ZBTB20: variants seen among roughly 807,000 people sequenced by gnomAD.
The protein encoded by ZBTB20 is zinc finger and BTB domain containing 20.
A neutral mutation model predicts 56.9 loss-of-function variants in ZBTB20; 9 were observed. That is an observed-to-expected ratio of 0.16 (90% CI 0.10 to 0.28). The LOEUF is 0.28. ZBTB20 is among the 10% of genes least tolerant of loss of function. The pLI is 1.00. For synonymous variants in ZBTB20, 417 were observed against 420.7 expected (o/e 0.99, Z 0.11); for missense variants, 655 against 1,003.0 (o/e 0.65, Z 4.69).
At chr3:114,874,647 C>T (rs1236225267) in intron 4 of ZBTB20, among the ~76,000 whole-genome samples, 1 of 152,192 alleles carries the variant, frequency 6.6e-6, no homozygotes, top group African/African-American at 2.4e-5. Context: ...AAACAGGCTA[C>T]ACAGACGGCC....
chr3:114,789,976 C>G (rs1463639111), intron 5 of ZBTB20, among the ~76,000 whole-genome samples: 1 of 151,816 alleles, frequency 6.6e-6, no homozygotes, highest in Non-Finnish European at 1.5e-5. Flanking sequence ...TCTTATACAC[C>G]AAAGCACGGT....
intron 1 of ZBTB20, among the ~76,000 whole-genome samples, chr3:115,082,619 G>A (rs564300402): frequency 1.3e-5 from 2 of 152,154 alleles, no homozygotes; most frequent in African/African-American, 2.4e-5. Flanking sequence ...CCTTATACTT[G>A]AGCCTGAATA....
chr3:114,704,634 CAT>C (rs1308576124), intron 5 of ZBTB20, among the ~76,000 whole-genome samples: 5 of 152,234 alleles, frequency 3.3e-5, no homozygotes, highest in Middle Eastern at 3.4e-3. Context: ...AATGATATGT[CAT>C]AGACTACTCT....
At position 114,515,148 on chromosome 3, in the gene ZBTB20, T is replaced by G. The variant is rs530274498; in HGVS notation, c.-294-14757A>C. ...GAGACCTGTCGCATAAGACTTGTTTTGTAAGGCCGGGCTCCTTACGGGGAC... is the reference window on the plus strand; with the variant it reads ...GAGACCTGTCGCATAAGACTTGTTTGGTAAGGCCGGGCTCCTTACGGGGAC... On this transcript the variant is annotated intron_variant, in intron 6 of 11. Coordinates refer to ENST00000675478, the MANE Select transcript of ZBTB20 (RefSeq NM_001348800.3). Among the ~76,000 whole-genome samples, 3 of 152,336 alleles carry G rather than the reference T, an allele frequency of 2.0e-5. No individual in the cohort carries two copies. In the East Asian group the frequency reaches 5.8e-4, roughly 29 times the overall value.
At chr3:114,651,171 C>G (rs1234567759) in intron 6 of ZBTB20, among the ~76,000 whole-genome samples, 1 of 152,036 alleles carries the variant, frequency 6.6e-6, no homozygotes, top group Non-Finnish European at 1.5e-5. Flanking sequence ...GTGCACTTGT[C>G]TACATTTCAT....
chr3:114,467,710 C>G (rs2092607218), intron 7 of ZBTB20, among the ~76,000 whole-genome samples: 1 of 152,172 alleles, frequency 6.6e-6, no homozygotes, highest in African/African-American at 2.4e-5. Flanking sequence ...AAAACTATAT[C>G]TGGAAGTTTT....
intron 6 of ZBTB20, among the ~76,000 whole-genome samples, chr3:114,539,471 A>C (rs549504317): frequency 6.6e-6 from 1 of 152,236 alleles, no homozygotes; most frequent in South Asian, 2.1e-4. Flanking sequence ...CTACCTTAGG[A>C]CATAAGCAAT....
intron 5 of ZBTB20, among the ~76,000 whole-genome samples, chr3:114,707,263 T>C (rs923548982): frequency 6.6e-6 from 1 of 152,206 alleles, no homozygotes; most frequent in South Asian, 2.1e-4. Context: ...TTTACATCAG[T>C]GCTACAATTG....
chr3:114,765,039 A>G (rs1298328429), intron 5 of ZBTB20, among the ~76,000 whole-genome samples: 1 of 152,214 alleles, frequency 6.6e-6, no homozygotes, highest in African/African-American at 2.4e-5. Flanking sequence ...GATATCTGTA[A>G]GAAATGATGG....
intron 5 of ZBTB20, among the ~76,000 whole-genome samples, chr3:114,698,548 C>T (rs1001751646): frequency 1.3e-5 from 2 of 152,002 alleles, no homozygotes; most frequent in African/African-American, 4.8e-5. Flanking sequence ...ACAGGTCCTT[C>T]CTGTACCTGA....
chr3:114,744,647 T>A (rs1189656058), intron 5 of ZBTB20, among the ~76,000 whole-genome samples: 2 of 152,090 alleles, frequency 1.3e-5, no homozygotes, highest in African/African-American at 4.8e-5. Context: ...TAAGAGGAAA[T>A]AACATAAAGT....
chr3:114,812,732 C>T (rs1424833588), intron 4 of ZBTB20, among the ~76,000 whole-genome samples: 7 of 152,220 alleles, frequency 4.6e-5, no homozygotes, highest in African/African-American at 2.4e-5. Context: ...TGGGACTGGG[C>T]GCCGTGGAGC....
At chr3:114,406,453 G>C (rs2087330647) in intron 7 of ZBTB20, among the ~76,000 whole-genome samples, 1 of 152,028 alleles carries the variant, frequency 6.6e-6, no homozygotes, top group Non-Finnish European at 1.5e-5. Context: ...TTTCTGCTTG[G>C]AAGTTGCATA....
intron 7 of ZBTB20, among the ~76,000 whole-genome samples, chr3:114,493,818 T>C (rs2042998855): frequency 1.3e-5 from 2 of 152,222 alleles, no homozygotes; most frequent in Admixed American, 6.6e-5. Flanking sequence ...TGTGAGACCA[T>C]TTGCTTAGTA....
intron 8 of ZBTB20, among the ~76,000 whole-genome samples, chr3:114,384,506 C>A (rs988740483): frequency 6.6e-6 from 1 of 151,738 alleles, no homozygotes. Flanking sequence ...GCCGCAGGCA[C>A]CCGCCTTTCA....
intron 6 of ZBTB20, among the ~76,000 whole-genome samples, chr3:114,608,146 T>A (rs937451852): frequency 2.0e-5 from 3 of 152,054 alleles, no homozygotes; most frequent in African/African-American, 7.2e-5. Flanking sequence ...AAGGATGCTT[T>A]AAAAAAACAA....
chr3:114,576,415 CG>C (rs994806472), intron 6 of ZBTB20, among the ~76,000 whole-genome samples: 1 of 142,820 alleles, frequency 7.0e-6, no homozygotes, highest in African/African-American at 2.6e-5. Context: ...GGCAGGAGAA[CG>C]GCGTGAACCC....
At chr3:114,666,555 T>C (rs954166820) in intron 6 of ZBTB20, among the ~76,000 whole-genome samples, 3 of 152,050 alleles carry the variant, frequency 2.0e-5, no homozygotes, top group African/African-American at 7.2e-5. Flanking sequence ...CTTCTTTTTA[T>C]TTGAAAATCA....
intron 7 of ZBTB20, among the ~76,000 whole-genome samples, chr3:114,481,825 C>G (rs1357897246): frequency 6.6e-6 from 1 of 152,194 alleles, no homozygotes; most frequent in Non-Finnish European, 1.5e-5. Flanking sequence ...GCTGGAGTCA[C>G]AGCAGGTTTG....
Sources: allele counts gnomAD v4.1 joint callset (sites outside exome capture counted in the v4.1 genomes callset), GRCh38; gene constraint gnomAD v4.1.1; transcripts MANE v1.5; gene names NCBI Gene and HGNC (gene_info 2026-07-23, HGNC 2026-07-21).